The following PDILT variants were observed in gnomAD, a reference collection of about 807,000 sequenced individuals.
The protein encoded by PDILT is protein disulfide isomerase like, testis expressed.
A neutral mutation model predicts 53.7 loss-of-function variants in PDILT; 43 were observed. The ratio of observed to expected loss-of-function variants is 0.80; its 90% CI spans 0.63 to 1.03. The LOEUF (loss-of-function observed/expected upper bound fraction) is 1.03, where lower values mean the gene tolerates loss of function less well. Ranked by LOEUF, PDILT falls within the 50% of genes least tolerant of loss-of-function variation. The pLI, the probability that PDILT is intolerant of heterozygous loss-of-function variation, is 0.00. For missense variants in PDILT, 727 were observed against 712.3 expected (o/e 1.02, Z -0.24); for synonymous variants, 282 against 274.2 (o/e 1.03, Z -0.28).
At position 20,384,844 on chromosome 16, in the gene PDILT, T is replaced by C. The variant is rs781203253; in HGVS notation, c.210A>G (p.Pro70=). ...TRFLMVLFHN[P]SSKQSRNLAE... is the part of the protein sequence containing the mutation. ...CCAAGTTCCTGGATTGCTTTGAGGATGGGTTGTCTGAAAGAGTATGAAGAC... is the reference window on the plus strand; with the variant it reads ...CCAAGTTCCTGGATTGCTTTGAGGACGGGTTGTCTGAAAGAGTATGAAGAC... Residue 70 remains proline, a synonymous_variant, in exon 3 of 12, where the codon CCA becomes CCG. Coordinates refer to ENST00000302451, the MANE Select transcript of PDILT (RefSeq NM_174924.2). The C allele has an allele frequency of 3.1e-6, 5 of 1,614,154 alleles. No homozygotes were observed. The South Asian group carries it at 3.3e-5, about 11-fold the overall frequency.
At chr16:20,394,861 A>G (rs1341231779) in intron 2 of PDILT, among the ~76,000 whole-genome samples, 1 of 152,180 alleles carries the variant, frequency 6.6e-6, no homozygotes, top group Non-Finnish European at 1.5e-5. Flanking sequence ...TGGTTGCCTG[A>G]ATGATTGTAT....
chr16:20,379,269 G>A (rs1966427977), intron 3 of PDILT, among the ~76,000 whole-genome samples: 1 of 152,158 alleles, frequency 6.6e-6, no homozygotes, highest in Non-Finnish European at 1.5e-5. Context: ...TGCCTCCCGG[G>A]TTCCAGTGAT....
At chr16:20,387,807 G>A (rs1416194366) in intron 2 of PDILT, among the ~76,000 whole-genome samples, 6 of 152,068 alleles carry the variant, frequency 3.9e-5, no homozygotes, top group African/African-American at 1.4e-4. Context: ...TTTTAGTAGA[G>A]ATGGGGTTTT....
chr16:20,393,590 G>A (rs1254602975), intron 2 of PDILT, among the ~76,000 whole-genome samples: 1 of 152,228 alleles, frequency 6.6e-6, no homozygotes, highest in African/African-American at 2.4e-5. Context: ...GGGGGGCTGA[G>A]TTGTTGATGC....
rs202211115 is a variant in PDILT, at chr16:20,376,094, G to A, written c.517C>T (p.Pro173Ser). 17 of 1,614,048 alleles carry A rather than the reference G, an allele frequency of 1.1e-5. No homozygotes were observed. The highest frequency in any genetic ancestry group is 1.4e-5 in the Non-Finnish European group (17 of 1,180,006). ...EQVAEFVISR[P>S]LVIVGFFQDL... ...TGGAAGAAGCCAACGATGACCAAGG[G>A]CCTGGATATCACAAACTCTGCCACC... Residue 173 changes from proline to serine, a missense_variant, in exon 4 of 12, where the codon CCC becomes TCC. Transcript: ENST00000302451.
intron 2 of PDILT, among the ~76,000 whole-genome samples, chr16:20,389,619 G>C (rs890338269): frequency 6.6e-6 from 1 of 152,138 alleles, no homozygotes; most frequent in Non-Finnish European, 1.5e-5. Context: ...GTAAGCACAC[G>C]GGACTCAGGG....
chr16:20,366,896 C>A (rs929940691), intron 8 of PDILT, among the ~76,000 whole-genome samples: 2 of 152,070 alleles, frequency 1.3e-5, no homozygotes, highest in African/African-American at 2.4e-5. Flanking sequence ...TTCTACCATG[C>A]AAATCTGGCT....
intron 3 of PDILT, among the ~76,000 whole-genome samples, chr16:20,383,624 C>T (rs1479945580): frequency 6.6e-6 from 1 of 152,132 alleles, no homozygotes; most frequent in Non-Finnish European, 1.5e-5. Context: ...ATCCTGCAGC[C>T]CCTGGATGTG....
intron 2 of PDILT, among the ~76,000 whole-genome samples, chr16:20,385,653 G>T (rs1396177766): frequency 1.3e-5 from 2 of 151,978 alleles, no homozygotes; most frequent in Non-Finnish European, 2.9e-5. Context: ...ACATGACTAA[G>T]GTGATGGGTG....
intron 9 of PDILT, among the ~76,000 whole-genome samples, chr16:20,365,206 G>A (rs1460626108): frequency 1.3e-5 from 2 of 152,322 alleles, no homozygotes; most frequent in Non-Finnish European, 2.9e-5. Flanking sequence ...TTATGTGGAA[G>A]GCATTGCATA....
intron 2 of PDILT, among the ~76,000 whole-genome samples, chr16:20,387,155 GA>G (rs2141613341): frequency 6.6e-6 from 1 of 152,314 alleles, no homozygotes; most frequent in South Asian, 2.1e-4. Context: ...ATATAACAGT[GA>G]ACAGATAAAA....
At chr16:20,368,186 CT>C (rs777169234) in intron 8 of PDILT, among the ~76,000 whole-genome samples, 25 of 152,006 alleles carry the variant, frequency 1.6e-4, no homozygotes, top group Non-Finnish European at 2.5e-4. Flanking sequence ...GACACGTCAG[CT>C]ATTGGAGAAG....
At chr16:20,393,810 A>G (rs1271439048) in intron 2 of PDILT, among the ~76,000 whole-genome samples, 1 of 152,244 alleles carries the variant, frequency 6.6e-6, no homozygotes, top group Non-Finnish European at 1.5e-5. Flanking sequence ...TTCTCTGACC[A>G]CAAGGAAAAA....
chr16:20,372,850 A>G lies in PDILT; in HGVS notation c.870T>C (p.Gly290=). 6.2e-7 allele frequency: 1 copy of G among 1,614,062 alleles called. No homozygotes were observed. Among genetic ancestry groups the G allele is most frequent in the Non-Finnish European group, 8.5e-7 (1 of 1,179,950 alleles). Residue 290 remains glycine, a synonymous_variant, in exon 7 of 12, where the codon GGT becomes GGC. Transcript: ENST00000302451. ...LFVSKSSESY[G]IIIQHYKLAS... is the part of the protein sequence containing the mutation. ...CCAGCTTATAATGCTGAATTATGATACCATATGACTCGGAGCTTTTGGAGA... is the reference window on the plus strand; with the variant it reads ...CCAGCTTATAATGCTGAATTATGATGCCATATGACTCGGAGCTTTTGGAGA...
At chr16:20,390,696 A>G (rs1328383456) in intron 2 of PDILT, 1 of 152,234 alleles carries the variant, frequency 6.6e-6, no homozygotes, top group Non-Finnish European at 1.5e-5. Context: ...AAATAACCGT[A>G]TTCAATAAAT....
In PDILT at chr16:20,364,304, C is replaced by T. The variant is rs116800898; in HGVS notation, c.1237+1116G>A. On this transcript the variant is annotated intron_variant, in intron 9 of 11. Transcript: ENST00000302451. ...GTGATTCAGCCACAGACCTTAAGCACCTCACTCTGTGAATAACAGTCCCTT... is the reference window on the plus strand; with the variant it reads ...GTGATTCAGCCACAGACCTTAAGCATCTCACTCTGTGAATAACAGTCCCTT... 7.4e-3 allele frequency among the ~76,000 whole-genome samples: 1,124 copies of T among 152,328 alleles called. 24 individuals are homozygous for T. The highest frequency in any genetic ancestry group is 0.026 in the African/African-American group (1,089 of 41,566).
chr16:20,372,978 C>A (rs991062446), intron 6 of PDILT, 34 bp downstream of exon 6: 1 of 1,613,542 alleles, frequency 6.2e-7, no homozygotes, highest in Middle Eastern at 1.7e-4. Flanking sequence ...GTGGCCCCAG[C>A]TCCCCTTCCT....
intron 3 of PDILT, among the ~76,000 whole-genome samples, chr16:20,376,888 G>T (rs1057187212): frequency 6.6e-6 from 1 of 152,194 alleles, no homozygotes; most frequent in Non-Finnish European, 1.5e-5. Context: ...GCTATACACA[G>T]GTGAACGTGT....
intron 2 of PDILT, among the ~76,000 whole-genome samples, chr16:20,394,512 G>A (rs543484045): frequency 6.0e-4 from 91 of 152,350 alleles, no homozygotes; most frequent in African/African-American, 2.1e-3. Context: ...CTATAGGGCA[G>A]TGATCAGGCC....
Sources: allele counts gnomAD v4.1 joint callset (sites outside exome capture counted in the v4.1 genomes callset), GRCh38; gene constraint gnomAD v4.1.1; transcripts MANE v1.5; gene names NCBI Gene and HGNC (gene_info 2026-07-23, HGNC 2026-07-21).